The following CDK19 variants were observed in gnomAD, a reference collection of about 807,000 sequenced individuals.
CDK19 encodes cyclin dependent kinase 19.
A neutral mutation model predicts 68.3 loss-of-function variants in CDK19; 20 were observed. That is an observed-to-expected ratio of 0.29 (90% CI 0.21 to 0.43). The LOEUF is 0.43. Among genes scored for constraint, CDK19 ranks in the 20% least tolerant of loss-of-function variants. The pLI is 1.00. For synonymous variants in CDK19, 221 were observed against 222.8 expected (o/e 0.99, Z 0.07); for missense variants, 339 against 623.5 (o/e 0.54, Z 4.86).
intron 8 of CDK19, among the ~76,000 whole-genome samples, chr6:110,625,679 T>A (rs1016339856): frequency 6.6e-6 from 1 of 151,998 alleles, no homozygotes. Flanking sequence ...ATTGTGGCCA[T>A]CAAAATCATA....
chr6:110,670,848 T>TA (rs1562180763), intron 2 of CDK19: 1 of 460,962 alleles, frequency 2.2e-6, no homozygotes, highest in Non-Finnish European at 4.1e-6. Context: ...TGGTAAAATG[T>TA]AAAACAGCAA....
intron 12 of CDK19, among the ~76,000 whole-genome samples, chr6:110,617,856 CAAAAAAAAAAAAAAAAA>C (rs58620857): frequency 1.7e-4 from 3 of 17,364 alleles, no homozygotes; most frequent in Admixed American, 6.9e-4. Context: ...GACTCTGTCT[CAAAAAAAAAAAAAAAAA>C]AAAAAAAAAA....
intron 2 of CDK19, among the ~76,000 whole-genome samples, chr6:110,740,104 AG>A (rs1452999655): frequency 1.8e-5 from 2 of 110,532 alleles, no homozygotes; most frequent in Admixed American, 2.3e-4. Context: ...CAAAGAAAAA[AG>A]TCTAGAAGAA....
chr6:110,675,627 CAA>C (rs57966061), intron 2 of CDK19, among the ~76,000 whole-genome samples: 16 of 56,538 alleles, frequency 2.8e-4, no homozygotes, highest in African/African-American at 6.0e-4. Context: ...GACTCCATCT[CAA>C]AAAAAAAAAA....
At chr6:110,647,928 A>C (rs942349575) in intron 4 of CDK19, among the ~76,000 whole-genome samples, 1 of 152,210 alleles carries the variant, frequency 6.6e-6, no homozygotes, top group Non-Finnish European at 1.5e-5. Context: ...TAACATGAGA[A>C]AATCTATGGA....
At chr6:110,702,766 T>C (rs1056287999) in intron 2 of CDK19, among the ~76,000 whole-genome samples, 3 of 152,192 alleles carry the variant, frequency 2.0e-5, no homozygotes, top group Non-Finnish European at 2.9e-5. Context: ...ATCTCTTTGG[T>C]ATTTTTAAAA....
In CDK19 at chr6:110,621,312, G is replaced by A. The variant is rs1253352940; in HGVS notation, c.1169C>T (p.Ala390Val). 1 of 1,603,976 alleles carries A rather than the reference G, an allele frequency of 6.2e-7. No individual in the cohort carries two copies. Among genetic ancestry groups the A allele is most frequent in the South Asian group, 1.1e-5 (1 of 89,952 alleles). The change falls in exon 12 of 13, where the codon GCA becomes GTA. Residue 390 changes from alanine (A) to valine (V), a missense_variant. Ala to Val is a moderately conservative substitution (Grantham distance 64). Around this residue, in one of 4 missense-constraint regions of CDK19, gnomAD observed 155 missense variants for 222.7 expected, o/e 0.70. Transcript: ENST00000368911. This position sits in a 1 kb window ranked among gnomAD's most constrained non-coding sequence, Gnocchi z 5.4. ...TGGTGGGGGCGCCTGTGGAGGGGCT[G>A]CTGCCTGCTGTGGAGGGGCTGTGGG... ...QQPTAPPQQA[A>V]APPQAPPPQQ...
At chr6:110,626,909 TTA>T (rs1392480980) in intron 7 of CDK19, 64 bp from the exon 8 acceptor site, 2 of 1,376,566 alleles carry the variant, frequency 1.5e-6, no homozygotes, top group Non-Finnish European at 2.0e-6. Context: ...CCTAATTATG[TTA>T]GTTTATAAAT....
chr6:110,808,754 GTATT>G (rs553995282), intron 1 of CDK19, among the ~76,000 whole-genome samples: 76 of 152,220 alleles, frequency 5.0e-4, no homozygotes, highest in Non-Finnish European at 9.0e-4. Flanking sequence ...GTCCTAAAAT[GTATT>G]TAAATACTGG....
intron 3 of CDK19, among the ~76,000 whole-genome samples, chr6:110,669,179 C>CA (rs1167063257): frequency 5.9e-5 from 9 of 151,558 alleles, no homozygotes; most frequent in Non-Finnish European, 1.2e-4. Context: ...AAGAATTGAA[C>CA]AAAAAAAACA....
At chr6:110,638,068 T>C (rs1335941919) in intron 5 of CDK19, among the ~76,000 whole-genome samples, 1 of 151,782 alleles carries the variant, frequency 6.6e-6, no homozygotes, top group Admixed American at 6.6e-5. Context: ...TTTTTTTTTT[T>C]AGAACATTCA....
chr6:110,642,334 T>C (rs1217718211), intron 4 of CDK19, among the ~76,000 whole-genome samples: 1 of 146,984 alleles, frequency 6.8e-6, no homozygotes, highest in Admixed American at 6.8e-5. Context: ...AAAAAAGGGT[T>C]CAAGACTTGG....
chr6:110,770,191 C>T (rs1417519616), intron 1 of CDK19, among the ~76,000 whole-genome samples: 1 of 152,176 alleles, frequency 6.6e-6, no homozygotes, highest in Non-Finnish European at 1.5e-5. Context: ...TACTATCCAA[C>T]TTCACATAAG....
At chr6:110,722,574 AAATT>A (rs1256264803) in intron 2 of CDK19, among the ~76,000 whole-genome samples, 1 of 151,990 alleles carries the variant, frequency 6.6e-6, no homozygotes, top group Non-Finnish European at 1.5e-5. Context: ...TTTAATTTTC[AAATT>A]AATAGGAAAA....
At chr6:110,662,220 T>G (rs568750678) in intron 4 of CDK19, among the ~76,000 whole-genome samples, 1 of 152,206 alleles carries the variant, frequency 6.6e-6, no homozygotes, top group African/African-American at 2.4e-5. Flanking sequence ...TCCACCCGCC[T>G]TGGCCTCCTG....
intron 2 of CDK19, among the ~76,000 whole-genome samples, chr6:110,720,926 G>C (rs1775830495): frequency 6.6e-6 from 1 of 151,242 alleles, no homozygotes; most frequent in Non-Finnish European, 1.5e-5. Flanking sequence ...AAATGTCACA[G>C]TTGCCAATTC....
chr6:110,773,927 C>T (rs1780212835), intron 1 of CDK19: 1 of 152,114 alleles, frequency 6.6e-6, no homozygotes, highest in East Asian at 1.9e-4. Flanking sequence ...TACACGAAGC[C>T]CTCCTGGAAT....
At chr6:110,794,218 G>C (rs546256853) in intron 1 of CDK19, among the ~76,000 whole-genome samples, 1 of 150,042 alleles carries the variant, frequency 6.7e-6, no homozygotes, top group Non-Finnish European at 1.5e-5. Context: ...GCTAACTTTT[G>C]TATTTTTAGT....
chr6:110,762,518 A>G (rs1779297126), intron 1 of CDK19, among the ~76,000 whole-genome samples: 3 of 152,214 alleles, frequency 2.0e-5, no homozygotes, highest in Admixed American at 6.5e-5. Flanking sequence ...CCACTAAGTC[A>G]CACAGCGAAT....
Sources: allele counts gnomAD v4.1 joint callset (sites outside exome capture counted in the v4.1 genomes callset), GRCh38; gene constraint gnomAD v4.1.1; regional missense constraint gnomAD v4.1.1; non-coding constraint Gnocchi (gnomAD v3.1); transcripts MANE v1.5; gene names NCBI Gene and HGNC (gene_info 2026-07-23, HGNC 2026-07-21).